The following TRANK1 variants were observed in gnomAD, a reference collection of about 807,000 sequenced individuals.
TRANK1 encodes tetratricopeptide repeat and ankyrin repeat containing 1.
In TRANK1, 198 loss-of-function variants were observed where a neutral mutation model predicts 266.0. The observed-to-expected ratio is 0.74, with a 90% CI of 0.66 to 0.84. The LOEUF (loss-of-function observed/expected upper bound fraction) is 0.84, where lower values mean the gene tolerates loss of function less well. Among genes scored for constraint, TRANK1 ranks in the 40% least tolerant of loss-of-function variants. The pLI is 0.00. For missense variants in TRANK1, 3,326 were observed against 3,634.6 expected, an observed-to-expected ratio of 0.92 and a Z score of 2.18; for synonymous variants, 1,396 against 1,384.1, an observed-to-expected ratio of 1.01 and a Z score of -0.19.
intron 1 of TRANK1, among the ~76,000 whole-genome samples, chr3:36,937,644 A>C (rs779404758): frequency 6.6e-6 from 1 of 152,218 alleles, no homozygotes; most frequent in Non-Finnish European, 1.5e-5. Flanking sequence ...AGCATTCCAC[A>C]ATGTCTCAAG....
Position 36,856,691 on chromosome 3 carries a change from G to C in TRANK1, c.3031C>G (p.Pro1011Ala), listed in dbSNP as rs2079059913. The stretch of plus-strand genomic sequence containing the variant: ...GCACTGGCTGGGGGAAAGTACTCAG[G>C]ATTGACATGCTCCCTGCCCTTCTCG... Reference protein sequence around the residue: ...EAEKGREHVNPEYFPPASAVE... With the variant: ...EAEKGREHVNAEYFPPASAVE... Residue 1011 changes from proline (P) to alanine (A), a missense_variant, in exon 13 of 24, where the codon CCT becomes GCT. Physicochemically the swap from Pro to Ala is conservative, Grantham distance 27. Transcript: ENST00000645898. 1.2e-6 allele frequency: 2 copies of C among 1,613,944 alleles called. No individual in the cohort carries two copies. The highest frequency in any genetic ancestry group is 2.7e-5 in the African/African-American group (2 of 74,938).
intron 8 of TRANK1, among the ~76,000 whole-genome samples, chr3:36,889,005 C>T (rs1375691041): frequency 6.6e-6 from 1 of 152,108 alleles, no homozygotes; most frequent in Non-Finnish European, 1.5e-5. Context: ...AAGATTGTGC[C>T]ACTGCACTCC....
At position 36,833,350 on chromosome 3, in the gene TRANK1, T is replaced by C. The variant is rs773863670; in HGVS notation, c.6233A>G (p.Glu2078Gly). Residue 2078 changes from glutamate (E) to glycine (G), a missense_variant, in exon 22 of 24, where the codon GAG (glutamate) becomes GGG (glycine). Physicochemically the swap from Glu to Gly is moderately conservative, Grantham distance 98. Coordinates refer to ENST00000645898, the MANE Select transcript of TRANK1 (RefSeq NM_001329998.2). ...CCCTGGAGCCAGGCCCAGAATCTTC[T>C]CAGGCTCGGCCTCACACTGGCTGGC... ...EAASQCEAEP[E>G]KILGLAPGGL... The C allele has an allele frequency of 1.2e-6, 2 of 1,613,904 alleles. No individual in the cohort carries two copies. The highest frequency in any genetic ancestry group is 1.1e-5 in the South Asian group (1 of 91,072).
intron 9 of TRANK1, among the ~76,000 whole-genome samples, chr3:36,872,383 C>A (rs1171975876): frequency 1.3e-5 from 2 of 151,966 alleles, no homozygotes; most frequent in Non-Finnish European, 2.9e-5. Context: ...GTCTGGGCAA[C>A]AGAGCGAGAC....
intron 6 of TRANK1, among the ~76,000 whole-genome samples, chr3:36,892,673 TACA>T (rs1244541824): frequency 6.6e-6 from 1 of 151,834 alleles, no homozygotes; most frequent in African/African-American, 2.4e-5. Context: ...TACCAAAAAA[TACA>T]ACAATTAGCC....
At chr3:36,844,039 A>G (rs1005462300) in intron 17 of TRANK1, among the ~76,000 whole-genome samples, 1 of 152,208 alleles carries the variant, frequency 6.6e-6, no homozygotes, top group African/African-American at 2.4e-5. Context: ...TCCAAACACA[A>G]TGGGAACAGA....
At chr3:36,858,690 G>A (rs1352649237) in intron 12 of TRANK1, 28 bp downstream of exon 12, 2 of 1,470,178 alleles carry the variant, frequency 1.4e-6, no homozygotes, top group South Asian at 2.7e-5. Context: ...TCCTCAAGGA[G>A]ACGGCTGCTT....
chr3:36,934,722 C>G (rs917455740), intron 1 of TRANK1, among the ~76,000 whole-genome samples: 6 of 152,188 alleles, frequency 3.9e-5, no homozygotes, highest in African/African-American at 1.4e-4. Context: ...TACATGACAA[C>G]AAAGACTTGA....
At chr3:36,913,074 C>T (rs531750110) in intron 1 of TRANK1, among the ~76,000 whole-genome samples, 7 of 142,074 alleles carry the variant, frequency 4.9e-5, no homozygotes, top group African/African-American at 1.9e-4. Flanking sequence ...TGGAGTCTCA[C>T]TCTGTCACCC....
At chr3:36,911,427 A>T (rs1156638724) in intron 1 of TRANK1, among the ~76,000 whole-genome samples, 1 of 152,226 alleles carries the variant, frequency 6.6e-6, no homozygotes, top group East Asian at 1.9e-4. Flanking sequence ...TAACTGAAGA[A>T]TTCAAACACA....
At chr3:36,935,445 C>CTTTT (rs11374436) in intron 1 of TRANK1, among the ~76,000 whole-genome samples, 5 of 83,694 alleles carry the variant, frequency 6.0e-5, no homozygotes, top group Admixed American at 1.4e-4. Flanking sequence ...TGCCTGAATT[C>CTTTT]TTTTTTTTTT....
chr3:36,872,909 G>A (rs572923723), intron 9 of TRANK1, among the ~76,000 whole-genome samples: 2 of 152,310 alleles, frequency 1.3e-5, no homozygotes, highest in African/African-American at 2.4e-5. Flanking sequence ...GCAGGACTCC[G>A]AGGACAGAGA....
intron 9 of TRANK1, among the ~76,000 whole-genome samples, chr3:36,870,962 T>TAAAAAAAAAAAAAA (rs563787088): frequency 1.1e-3 from 72 of 64,956 alleles, no homozygotes; most frequent in Middle Eastern, 0.015. Flanking sequence ...ACAAGGAAAC[T>TAAAAAAAAAAAAAA]AAAAAAAAAA....
chr3:36,910,036 C>T (rs9819348), intron 1 of TRANK1, among the ~76,000 whole-genome samples: 36,202 of 152,076 alleles, frequency 0.24, 5,630 homozygotes, highest in East Asian at 0.56. Flanking sequence ...AAAATTGTTG[C>T]AATAACTGAC....
rs1041497822 is a variant in TRANK1 at position 36,858,719 on chromosome 3, T to C, written c.1671A>G (p.Lys557=). The stretch of plus-strand genomic sequence containing the variant: ...GCTGCTTAAAAAACAAGGGCTTACC[T>C]TTAATCTCTAGAAAGATGTGGAGTG... The part of the protein sequence containing the change: ...HAALHIFLEI[K]ADIGFSFLSH... Residue 557 remains lysine, a splice_region_variant and synonymous_variant, in exon 12 of 24, where the codon AAA becomes AAG. Transcript: ENST00000645898. 7 of 1,520,048 alleles carry C rather than the reference T, an allele frequency of 4.6e-6. No homozygotes were observed. In the African/African-American group the frequency reaches 9.7e-5, roughly 21 times the overall value. The allele number at this position is 1,520,048 out of a possible 1,614,324, so 94.2% of individuals were successfully genotyped here.
chr3:36,865,077 G>A (rs992521764), intron 9 of TRANK1, among the ~76,000 whole-genome samples: 6 of 147,230 alleles, frequency 4.1e-5, no homozygotes, highest in African/African-American at 1.5e-4. Context: ...GCCCAGGCTG[G>A]AGTGCAGTGG....
intron 8 of TRANK1, among the ~76,000 whole-genome samples, chr3:36,876,603 CACAAACCGCTACAGATGAAAACAA>C (rs2079391639): frequency 6.6e-6 from 1 of 152,222 alleles, no homozygotes; most frequent in Non-Finnish European, 1.5e-5. Context: ...AAGAAATAAC[CACAAACCGCTACAGATGAAAACAA>C]ACAAACCTAA....
intron 1 of TRANK1, among the ~76,000 whole-genome samples, chr3:36,912,602 G>A (rs1397411681): frequency 4.6e-5 from 7 of 152,194 alleles, no homozygotes; most frequent in African/African-American, 1.7e-4. Context: ...CTACATATGA[G>A]GAAGAAGATG....
intron 10 of TRANK1, among the ~76,000 whole-genome samples, chr3:36,862,417 T>G (rs1341201334): frequency 6.6e-6 from 1 of 152,194 alleles, no homozygotes. Context: ...TAGGCTAGTC[T>G]ATCATCTTAT....
Sources: gnomAD v4.1 joint callset for allele counts (sites outside exome capture counted in the v4.1 genomes callset) on GRCh38, gnomAD v4.1.1 for gene constraint, MANE v1.5 for transcripts, NCBI Gene and HGNC (gene_info 2026-07-23, HGNC 2026-07-21) for gene names.